Variants in KIF14 observed in about 807,000 individuals in gnomAD.
KIF14 encodes the protein kinesin family member 14.
A neutral mutation model predicts 176.2 loss-of-function variants in KIF14; 98 were observed. The observed-to-expected ratio is 0.56, with a 90% CI of 0.47 to 0.66. KIF14 has a LOEUF of 0.66. KIF14 is among the 30% of genes least tolerant of loss of function. KIF14 has a pLI of 0.00. For synonymous variants in KIF14, 566 were observed against 632.2 expected, an observed-to-expected ratio of 0.90 and a Z score of 1.57; for missense variants, 1,751 against 1,920.4, an observed-to-expected ratio of 0.91 and a Z score of 1.65.
At chr1:200,579,580 G>A (rs1432644659) in intron 21 of KIF14, among the ~76,000 whole-genome samples, 2 of 151,710 alleles carry the variant, frequency 1.3e-5, no homozygotes, top group African/African-American at 4.8e-5. Context: ...CTGCACTCCA[G>A]CCTGGGCAAC....
At position 200,553,747 on chromosome 1, in the gene KIF14, G is replaced by T; in HGVS notation, c.4588C>A (p.Leu1530Ile). The change falls in exon 30 of 30, where the codon CTT (leucine) becomes ATT (isoleucine). Residue 1530 changes from leucine (L) to isoleucine (I), a missense_variant. By Grantham distance (5) the Leu-to-Ile change is conservative. Transcript: ENST00000367350. ...ATACTTTCAACACAAGTCTGGAGAA[G>T]ATTTATATCACTATGGCATCCTATA... ...ALKGCHSDINLLQTCVESIRN... is the reference protein window; with the variant it reads ...ALKGCHSDINILQTCVESIRN... 1.2e-6 allele frequency: 2 copies of T among 1,602,414 alleles called. No individual in the cohort carries two copies. Among genetic ancestry groups the T allele is most frequent in the African/African-American group, 1.3e-5 (1 of 74,650 alleles).
intron 14 of KIF14, among the ~76,000 whole-genome samples, chr1:200,595,088 A>T (rs1184692885): frequency 2.0e-5 from 3 of 152,132 alleles, no homozygotes; most frequent in Non-Finnish European, 4.4e-5. Context: ...GAATACTCTG[A>T]ATTTGCCTTA....
intron 23 of KIF14, among the ~76,000 whole-genome samples, chr1:200,567,060 G>C (rs997033601): frequency 1.3e-5 from 2 of 151,580 alleles, no homozygotes; most frequent in Non-Finnish European, 2.9e-5. Context: ...TGTAATTCCA[G>C]CTACCTGGGA....
rs114754267 is a variant in KIF14 at position 200,618,266 on chromosome 1, T to C, written c.458A>G (p.Asn153Ser). 84 of 1,613,804 alleles carry C rather than the reference T, an allele frequency of 5.2e-5. No individual in the cohort carries two copies. The highest frequency in any genetic ancestry group is 6.6e-5 in the Non-Finnish European group (78 of 1,179,992). Residue 153 changes from asparagine to serine, a missense_variant, in exon 2 of 30, where the codon AAT becomes AGT. Transcript: ENST00000367350. ...MTLNVGGETE[N>S]NGVSKESRTN... ...TCTACTTTCCTTAGAAACACCATTATTTTCTGTTTCACCTCCCACATTCAG... is the reference window on the plus strand; with the variant it reads ...TCTACTTTCCTTAGAAACACCATTACTTTCTGTTTCACCTCCCACATTCAG...
At chr1:200,558,712 T>C (rs925681399) in intron 27 of KIF14, among the ~76,000 whole-genome samples, 3 of 152,190 alleles carry the variant, frequency 2.0e-5, no homozygotes, top group Non-Finnish European at 4.4e-5. Flanking sequence ...GTAGGTATGC[T>C]TACATGACAG....
chr1:200,593,158 T>C (rs1028087591), intron 15 of KIF14, among the ~76,000 whole-genome samples: 1 of 152,248 alleles, frequency 6.6e-6, no homozygotes, highest in African/African-American at 2.4e-5. Context: ...TATTTGCAGA[T>C]ACTATTCTAA....
chr1:200,591,964 T>C (rs879204217), intron 16 of KIF14, 116 bp downstream of exon 16: 5 of 810,326 alleles, frequency 6.2e-6, no homozygotes, highest in Non-Finnish European at 7.7e-6. Flanking sequence ...GAGAAAAAAT[T>C]ATATCACTAG....
rs1223864701 is a variant in KIF14, at chr1:200,556,625, CA to C, written c.4354-1172del. Reference sequence around the variant, plus strand: ...TTCCTCAAAACAATACCAAGGCTAACACCTGCACCTACTTCAACAGCTTACT... The same window carrying C: ...TTCCTCAAAACAATACCAAGGCTAACCCTGCACCTACTTCAACAGCTTACT... On this transcript the variant is annotated intron_variant, in intron 27 of 29. Coordinates refer to ENST00000367350, the MANE Select transcript of KIF14 (RefSeq NM_014875.3). Among the ~76,000 whole-genome samples the C allele has an allele frequency of 5.4e-4, 83 of 152,318 alleles. 1 individual carries two copies. The highest frequency in any genetic ancestry group is 1.8e-3 in the African/African-American group (75 of 41,578).
At chr1:200,553,801 C>G (rs992828990) in intron 29 of KIF14, 34 bp from the exon 30 acceptor site, 3 of 1,536,108 alleles carry the variant, frequency 2.0e-6, no homozygotes, top group Non-Finnish European at 1.8e-6. Context: ...AGTTAATTAG[C>G]CTTTTCAGTT....
chr1:200,560,698 T>G, intron 26 of KIF14, 24 bp downstream of exon 26: 1 of 1,612,784 alleles, frequency 6.2e-7, no homozygotes, highest in Non-Finnish European at 8.5e-7. Flanking sequence ...ATGAAGTCTG[T>G]CTGAACTAAC....
rs368203309 is a variant in KIF14, at chr1:200,581,982, C to T, written c.3242-688G>A. Among the ~76,000 whole-genome samples, 7 of 152,058 alleles carry T rather than the reference C, an allele frequency of 4.6e-5. No homozygotes were observed. In the South Asian group the frequency reaches 1.0e-3, roughly 23 times the overall value. ...AGGAGGTTTTGCCATGTTGCTCAGG[C>T]TGGTCTTGAACTCCTGGGCTTAAGC... On this transcript the variant is annotated intron_variant, in intron 19 of 29. Transcript: ENST00000367350.
At chr1:200,555,543 T>C (rs1303903981) in intron 27 of KIF14, 89 bp from the exon 28 acceptor site, 1 of 664,400 alleles carries the variant, frequency 1.5e-6, no homozygotes, top group East Asian at 3.4e-5. Context: ...TTTTAAAAAA[T>C]TCTAGTCTAG....
At position 200,573,694 on chromosome 1, in the gene KIF14, T is replaced by C. The variant is rs562982693; in HGVS notation, c.3566+1897A>G. On this transcript the variant is annotated intron_variant, in intron 22 of 29. Coordinates refer to ENST00000367350, the MANE Select transcript of KIF14 (RefSeq NM_014875.3). ...CAATTTCTTACCATAGCTTAGAGGT[T>C]ACCATGTGACCAATAAAGCAGAAAT... Among the ~76,000 whole-genome samples, 109 of 152,292 alleles carry C rather than the reference T, an allele frequency of 7.2e-4. 1 individual carries two copies. The highest frequency in any genetic ancestry group is 2.6e-3 in the African/African-American group (106 of 41,562).
At chr1:200,615,965 T>TG (rs983774671) in intron 2 of KIF14, among the ~76,000 whole-genome samples, 16 of 152,166 alleles carry the variant, frequency 1.1e-4, no homozygotes, top group Admixed American at 4.6e-4. Flanking sequence ...TATACAAATT[T>TG]GGGGGGGTAC....
chr1:200,560,594 C>T, intron 26 of KIF14, 128 bp downstream of exon 26: 1 of 1,049,720 alleles, frequency 9.5e-7, no homozygotes, highest in Middle Eastern at 2.1e-4. Flanking sequence ...AATCTTATTG[C>T]AAAACTACTA....
chr1:200,606,380 C>G (rs1256139377), intron 6 of KIF14, among the ~76,000 whole-genome samples: 1 of 152,086 alleles, frequency 6.6e-6, no homozygotes, highest in Non-Finnish European at 1.5e-5. Flanking sequence ...TACCCTCTTC[C>G]CTGTCTAGCT....
Position 200,603,251 on chromosome 1 carries a change from G to A in KIF14, c.1954C>T (p.Pro652Ser), listed in dbSNP as rs748481519. The A allele has an allele frequency of 3.7e-6, 6 of 1,603,850 alleles. No homozygotes were observed. The highest frequency in any genetic ancestry group is 5.1e-6 in the Non-Finnish European group (6 of 1,172,428). Residue 652 changes from proline (P) to serine (S), a missense_variant, in exon 10 of 30, where the codon CCT becomes TCT. Pro to Ser is a moderately conservative substitution (Grantham distance 74). Transcript: ENST00000367350. ...EQANQRSVFIPYRESVLTWLL... is the reference protein window; with the variant it reads ...EQANQRSVFISYRESVLTWLL... ...CATGTAAGAACAGATTCACGATAAG[G>A]AATAAAAACACTCCTTTGGTTTGCT...
intron 23 of KIF14, 30 bp downstream of exon 23, chr1:200,569,881 G>T (rs765649055): frequency 1.6e-6 from 2 of 1,225,956 alleles, no homozygotes; most frequent in Non-Finnish European, 2.4e-6. Context: ...TGCTTTTCTC[G>T]CCATAGAGAA....
chr1:200,564,318 C>CCTGCTGTG (rs1657325899), intron 25 of KIF14, among the ~76,000 whole-genome samples: 1 of 151,566 alleles, frequency 6.6e-6, no homozygotes, highest in Non-Finnish European at 1.5e-5. Flanking sequence ...CTCCTTCCAC[C>CCTGCTGTG]CTGCTGTGCT....
Sources: gnomAD v4.1 joint callset for allele counts (sites outside exome capture counted in the v4.1 genomes callset) on GRCh38, gnomAD v4.1.1 for gene constraint, MANE v1.5 for transcripts, NCBI Gene and HGNC (gene_info 2026-07-23, HGNC 2026-07-21) for gene names.